Variants in SLC12A3 observed in about 807,000 individuals in gnomAD.
SLC12A3 encodes the protein Na-Cl cotransporter.
In SLC12A3, 104 loss-of-function variants were observed where a neutral mutation model predicts 121.0. The observed-to-expected ratio is 0.86, with a 90% CI of 0.73 to 1.01. The LOEUF is 1.01. Ranked by LOEUF, SLC12A3 falls within the 50% of genes least tolerant of loss-of-function variation. The pLI, the probability that SLC12A3 is intolerant of heterozygous loss-of-function variation, is 0.00. For synonymous variants in SLC12A3, 536 were observed against 533.4 expected, an observed-to-expected ratio of 1.00 and a Z score of -0.07; for missense variants, 1,328 against 1,356.3, an observed-to-expected ratio of 0.98 and a Z score of 0.33.
rs2144709105 is a variant in SLC12A3 at position 56,878,140 on chromosome 16, C to T, written c.1159C>T (p.Leu387=). 2 of 1,609,546 alleles carry T rather than the reference C, an allele frequency of 1.2e-6. No homozygotes were observed. The highest frequency in any genetic ancestry group is 1.7e-5 in the Admixed American group (1 of 59,870). The change falls in exon 9 of 26, where the codon CTG becomes TTG. Residue 387 remains leucine, a synonymous_variant. Coordinates refer to ENST00000563236, the MANE Select transcript of SLC12A3 (RefSeq NM_001126108.2). ...MAIFWTTISY[L]AISATIGSCV... is the part of the protein sequence containing the mutation. Reference sequence around the variant, plus strand: ...CATTTTCTGGACGACCATTTCCTACCTGGCCATCTCAGCCACCATTGGTAA... The same window carrying T: ...CATTTTCTGGACGACCATTTCCTACTTGGCCATCTCAGCCACCATTGGTAA...
intron 24 of SLC12A3, among the ~76,000 whole-genome samples, chr16:56,902,875 G>A (rs1278926830): frequency 6.6e-6 from 1 of 152,160 alleles, no homozygotes; most frequent in African/African-American, 2.4e-5. Flanking sequence ...GCCGGGCATG[G>A]TGGCTCACCC....
intron 25 of SLC12A3, among the ~76,000 whole-genome samples, chr16:56,908,843 G>A (rs542248993): frequency 6.6e-6 from 1 of 152,368 alleles, no homozygotes; most frequent in South Asian, 2.1e-4. Context: ...CAAGACAGTG[G>A]AAATGGCTTT....
At chr16:56,897,429 A>T (rs530139707) in intron 22 of SLC12A3, among the ~76,000 whole-genome samples, 2 of 152,336 alleles carry the variant, frequency 1.3e-5, no homozygotes, top group East Asian at 3.9e-4. Context: ...ACCCGGTCCT[A>T]TGCCAGGATG....
chr16:56,910,121 C>T lies in SLC12A3; in HGVS notation c.2925-3143C>T, dbSNP rs149955483. Among the ~76,000 whole-genome samples, 1,009 of 152,290 alleles carry T rather than the reference C, an allele frequency of 6.6e-3. 12 individuals carry two copies. Among genetic ancestry groups the T allele is most frequent in the African/African-American group, 0.023 (947 of 41,548 alleles). On this transcript the variant is annotated intron_variant, in intron 25 of 25. Transcript: ENST00000563236. ...ATCAAAATAGTAATAATCAACATTG[C>T]ATTTTATGGCTTGGGCCTCTATATG...
At position 56,881,031 on chromosome 16, in the gene SLC12A3, C is replaced by T. The variant is rs531333689; in HGVS notation, c.1567+778C>T. On this transcript the variant is annotated intron_variant, in intron 12 of 25. Coordinates refer to ENST00000563236, the MANE Select transcript of SLC12A3 (RefSeq NM_001126108.2). The stretch of plus-strand genomic sequence containing the variant: ...CCCAATACTTGCCTAATTTACTTAG[C>T]CATGGAGGCAGAACTCGCGAGGAGA... 2.0e-5 allele frequency among the ~76,000 whole-genome samples: 3 copies of T among 152,348 alleles called. No homozygotes were observed. The South Asian group carries it at 6.2e-4, about 32-fold the overall frequency.
At chr16:56,911,621 C>T (rs1285751220) in intron 25 of SLC12A3, among the ~76,000 whole-genome samples, 1 of 152,124 alleles carries the variant, frequency 6.6e-6, no homozygotes, top group Non-Finnish European at 1.5e-5. Flanking sequence ...ATGCCTGGCC[C>T]GGGACATTGC....
chr16:56,879,901 C>T (rs1303172278), intron 11 of SLC12A3, among the ~76,000 whole-genome samples: 1 of 152,198 alleles, frequency 6.6e-6, no homozygotes, highest in Non-Finnish European at 1.5e-5. Context: ...CTCCACCATT[C>T]AAGCTCTACC....
At chr16:56,902,626 G>A (rs1047270633) in intron 24 of SLC12A3, 118 bp downstream of exon 24, 31 of 1,250,616 alleles carry the variant, frequency 2.5e-5, no homozygotes, top group South Asian at 8.9e-5. Flanking sequence ...CTTCCACTCC[G>A]GCCCCTGAGG....
intron 4 of SLC12A3, 123 bp from the exon 5 acceptor site, chr16:56,869,973 T>C: frequency 1.4e-6 from 2 of 1,404,562 alleles, no homozygotes; most frequent in Non-Finnish European, 2.0e-6. Flanking sequence ...CACCACGAGA[T>C]GGCCTCAGCT....
chr16:56,872,420 C>T lies in SLC12A3; in HGVS notation c.922C>T (p.Pro308Ser). The change falls in exon 7 of 26, where the codon CCA becomes TCA. Residue 308 changes from proline (P) to serine (S), a missense_variant. By Grantham distance (74) the Pro-to-Ser change is moderately conservative. Coordinates refer to ENST00000563236, the MANE Select transcript of SLC12A3 (RefSeq NM_001126108.2). Reference sequence around the variant, plus strand: ...CTATTTAGTGGGGACGCTGATCCCCCCATCTGAGGACAAGGCCTCCAAAGG... The same window carrying T: ...CTATTTAGTGGGGACGCTGATCCCCTCATCTGAGGACAAGGCCTCCAAAGG... Reference protein sequence around the residue: ...ANYLVGTLIPPSEDKASKGFF... With the variant: ...ANYLVGTLIPSSEDKASKGFF... 2.5e-6 allele frequency: 4 copies of T among 1,614,142 alleles called. No individual in the cohort carries two copies. The highest frequency in any genetic ancestry group is 2.7e-5 in the African/African-American group (2 of 75,068).
chr16:56,897,167 C>T (rs1428877623), intron 22 of SLC12A3, among the ~76,000 whole-genome samples: 1 of 151,454 alleles, frequency 6.6e-6, no homozygotes, highest in African/African-American at 2.4e-5. Flanking sequence ...AGGCAGGTGG[C>T]ACACAAGTAT....
chr16:56,897,136 G>C (rs16963412), intron 22 of SLC12A3, among the ~76,000 whole-genome samples: 41,659 of 151,666 alleles, frequency 0.27, 6,604 homozygotes, highest in African/African-American at 0.45. Context: ...TTGGTTTAAA[G>C]AGAAAAGGAA....
chr16:56,902,531 G>GGGCCCCC, intron 24 of SLC12A3, 23 bp downstream of exon 24: 7 of 714,516 alleles, frequency 9.8e-6, no homozygotes, highest in Non-Finnish European at 1.4e-5. Flanking sequence ...GTGGGGGTGG[G>GGGCCCCC]AAACGCGACA....
intron 8 of SLC12A3, 21 bp from the exon 9 acceptor site, chr16:56,878,056 C>A: frequency 9.8e-7 from 1 of 1,022,048 alleles, no homozygotes; most frequent in Non-Finnish European, 1.5e-6. Flanking sequence ...CCCTCCCTCC[C>A]TCTCTCCCTC....
chr16:56,870,600 C>T lies in SLC12A3; in HGVS notation c.742-26C>T, dbSNP rs1299997289. ...GATGGGGAATTCAGAGGGTGGCTTG[C>T]AGCCTGGCCCATTTTCCCTCCCCAG... On this transcript the variant is annotated intron_variant, in intron 5 of 25. Transcript: ENST00000563236. The T allele has an allele frequency of 5.5e-6, 8 of 1,460,610 alleles. No homozygotes were observed. In the African/African-American group the frequency reaches 1.1e-4, roughly 20 times the overall value. The allele number at this position is 1,460,610 out of a possible 1,614,324, so 90.5% of individuals were successfully genotyped here.
At chr16:56,906,550 G>A (rs1031950214) in intron 25 of SLC12A3, 32 of 229,996 alleles carry the variant, frequency 1.4e-4, no homozygotes, top group African/African-American at 6.3e-4. Flanking sequence ...GAATCAGTAA[G>A]TATCCAAACT....
chr16:56,877,846 G>A (rs541328339), intron 8 of SLC12A3, among the ~76,000 whole-genome samples: 3 of 152,320 alleles, frequency 2.0e-5, no homozygotes, highest in South Asian at 2.1e-4. Flanking sequence ...TCTCCGACCC[G>A]TGATCTTGGT....
In SLC12A3 at chr16:56,893,033, TA is replaced by T; in HGVS notation, c.2501del (p.Tyr834SerfsTer32). The T allele has an allele frequency of 6.2e-7, 1 of 1,614,128 alleles. No homozygotes were observed. Among genetic ancestry groups the T allele is most frequent in the South Asian group, 1.1e-5 (1 of 91,084 alleles). On this transcript the variant is annotated frameshift_variant, in exon 21 of 26. Transcript: ENST00000563236. LOFTEE classifies it high-confidence loss of function. ...GCAGGGCAAGAAGACCATAGACATC[TA>T]CTGGCTCTTTGACGATGGAGGTCAG... ...SEQGKKTIDI[Y>X]WLFDDGGLTL...
rs766680115 is a variant in SLC12A3 at position 56,872,399 on chromosome 16, T to G, written c.901T>G (p.Leu301Val). 2.5e-5 allele frequency: 41 copies of G among 1,614,002 alleles called. 2 individuals carry two copies. In the South Asian group the frequency reaches 4.5e-4, roughly 18 times the overall value. The stretch of plus-strand genomic sequence containing the variant: ...CATCATGGTCTCCTTTGCCAACTAT[T>G]TAGTGGGGACGCTGATCCCCCCATC... ...LVIMVSFANY[L>V]VGTLIPPSED... The change falls in exon 7 of 26, where the codon TTA (leucine) becomes GTA (valine). Residue 301 changes from leucine (L) to valine (V), a missense_variant. By Grantham distance (32) the Leu-to-Val change is conservative. Coordinates refer to ENST00000563236, the MANE Select transcript of SLC12A3 (RefSeq NM_001126108.2).
Sources: gnomAD v4.1 joint callset for allele counts (sites outside exome capture counted in the v4.1 genomes callset) on GRCh38, gnomAD v4.1.1 for gene constraint, MANE v1.5 for transcripts, NCBI Gene and HGNC (gene_info 2026-07-23, HGNC 2026-07-21) for gene names.